The following SYT17 variants were observed in gnomAD, a reference collection of about 807,000 sequenced individuals.
SYT17 encodes synaptotagmin 17, also known as synaptotagmin-17.
A neutral mutation model predicts 46.7 loss-of-function variants in SYT17; 22 were observed. That is an observed-to-expected ratio of 0.47 (90% CI 0.34 to 0.67). The LOEUF (loss-of-function observed/expected upper bound fraction) is 0.67. Among genes scored for constraint, SYT17 ranks in the 30% least tolerant of loss-of-function variants. The probability of loss-of-function intolerance (pLI) is 0.01; values close to 1 mark genes in which losing one functional copy is unlikely to be tolerated. For synonymous variants in SYT17, 251 were observed against 248.4 expected (o/e 1.01, Z -0.10); for missense variants, 519 against 612.8 (o/e 0.85, Z 1.62).
intron 7 of SYT17, among the ~76,000 whole-genome samples, chr16:19,227,748 G>T (rs1966547800): frequency 6.6e-6 from 1 of 152,096 alleles, no homozygotes; most frequent in Non-Finnish European, 1.5e-5. Flanking sequence ...AGAGGGTTCT[G>T]TTCCTTTAAA....
chr16:19,246,759 A>G (rs1333414219), intron 7 of SYT17, among the ~76,000 whole-genome samples: 1 of 152,162 alleles, frequency 6.6e-6, no homozygotes, highest in Non-Finnish European at 1.5e-5. Flanking sequence ...CAGTTTTCCA[A>G]ATTAGCACCT....
chr16:19,189,471 G>T (rs1964928633), intron 5 of SYT17, among the ~76,000 whole-genome samples: 1 of 151,956 alleles, frequency 6.6e-6, no homozygotes, highest in Non-Finnish European at 1.5e-5. Flanking sequence ...CTTTCAAGTG[G>T]CTGGGACCAT....
chr16:19,250,407 G>GTGTGTGTGTGTGTGTGTGTGT (rs1555463131), intron 7 of SYT17, among the ~76,000 whole-genome samples: 1 of 146,514 alleles, frequency 6.8e-6, no homozygotes, highest in African/African-American at 2.5e-5. Flanking sequence ...GTGTGTGTTT[G>GTGTGTGTGTGTGTGTGTGTGT]GAGACAGGGT....
intron 5 of SYT17, among the ~76,000 whole-genome samples, chr16:19,222,801 T>C (rs926500457): frequency 3.3e-5 from 5 of 152,158 alleles, no homozygotes; most frequent in African/African-American, 9.7e-5. Context: ...TTTAAAAAAT[T>C]ATTGCTGCTT....
At chr16:19,182,670 A>G (rs1283167127) in intron 4 of SYT17, among the ~76,000 whole-genome samples, 1 of 152,244 alleles carries the variant, frequency 6.6e-6, no homozygotes, top group African/African-American at 2.4e-5. Context: ...TGTTTGGGCA[A>G]TTAGCAAGAA....
At chr16:19,186,585 G>A (rs567267711) in intron 5 of SYT17, among the ~76,000 whole-genome samples, 25 of 152,214 alleles carry the variant, frequency 1.6e-4, no homozygotes, top group Non-Finnish European at 3.2e-4. Flanking sequence ...CGTCACACTC[G>A]GGCTTCCAGC....
chr16:19,180,509 T>C lies in SYT17; in HGVS notation c.301T>C (p.Ser101Pro). The C allele has an allele frequency of 6.2e-7, 1 of 1,614,148 alleles. No individual in the cohort carries two copies. Among genetic ancestry groups the C allele is most frequent in the Non-Finnish European group, 8.5e-7 (1 of 1,180,028 alleles). ...ACGCTCGTCCTCAGACACATCCAAG[T>C]CTACATACAGCCTGACGCGGAGGAT... ...GRRSSSDTSKSTYSLTRRISS... is the reference protein window; with the variant it reads ...GRRSSSDTSKPTYSLTRRISS... The change falls in exon 4 of 8, where the codon TCT becomes CCT. Residue 101 changes from serine to proline, a missense_variant. By Grantham distance (74) the Ser-to-Pro change is moderately conservative. Transcript: ENST00000355377.
At chr16:19,233,525 G>A (rs886609842) in intron 7 of SYT17, among the ~76,000 whole-genome samples, 5 of 151,952 alleles carry the variant, frequency 3.3e-5, no homozygotes, top group African/African-American at 1.2e-4. Context: ...GCATGGTGGT[G>A]CATGTCTGTC....
intron 7 of SYT17, among the ~76,000 whole-genome samples, chr16:19,258,029 G>A (rs1189499539): frequency 6.6e-6 from 1 of 151,524 alleles, no homozygotes; most frequent in Non-Finnish European, 1.5e-5. Flanking sequence ...TTCCAGAACC[G>A]TCTGCCTTGG....
At chr16:19,256,734 A>G (rs983161847) in intron 7 of SYT17, among the ~76,000 whole-genome samples, 1 of 151,918 alleles carries the variant, frequency 6.6e-6, no homozygotes, top group Admixed American at 6.6e-5. Flanking sequence ...GTGCACCAAC[A>G]TGCCCAGCTA....
At chr16:19,250,359 T>TGTGTG (rs1967957748) in intron 7 of SYT17, among the ~76,000 whole-genome samples, 2 of 132,468 alleles carry the variant, frequency 1.5e-5, no homozygotes, top group African/African-American at 2.8e-5. Flanking sequence ...TCAAACATGT[T>TGTGTG]TGTGTGTGTG....
chr16:19,236,191 G>C (rs1028387690), intron 7 of SYT17, among the ~76,000 whole-genome samples: 5 of 152,212 alleles, frequency 3.3e-5, no homozygotes, highest in Non-Finnish European at 4.4e-5. Context: ...AAGTCAGCCA[G>C]AGCTGGCTTC....
At chr16:19,179,774 C>T (rs1314886738) in intron 3 of SYT17, among the ~76,000 whole-genome samples, 2 of 152,172 alleles carry the variant, frequency 1.3e-5, no homozygotes, top group Admixed American at 6.5e-5. Flanking sequence ...CCTACATCCT[C>T]CTTCCCAATT....
Position 19,168,476 on chromosome 16 carries a change from C to A in SYT17, c.-171C>A. On this transcript the variant is annotated 5_prime_UTR_variant, in exon 1 of 8. Transcript: ENST00000355377. This position sits in a 1 kb window ranked among gnomAD's most constrained non-coding sequence, Gnocchi z 6.9. ...AACGCAGGGAAAGGCAAGGACGGGG[C>A]GGCCGGCGGAGGGGCGGGCGCCGCT... 3.5e-6 allele frequency: 3 copies of A among 857,302 alleles called. No homozygotes were observed. The highest frequency in any genetic ancestry group is 5.4e-6 in the Non-Finnish European group (3 of 557,854). 53.1% of individuals were successfully genotyped at this position (857,302 alleles called of 1,614,324 possible).
At chr16:19,230,689 A>T (rs886979282) in intron 7 of SYT17, among the ~76,000 whole-genome samples, 6 of 152,198 alleles carry the variant, frequency 3.9e-5, no homozygotes, top group African/African-American at 1.4e-4. Context: ...AGTTAGGCGT[A>T]ATAGTTAGGA....
rs532221301 is a variant in SYT17, at chr16:19,187,433, A to C, written c.951+3286A>C. Among the ~76,000 whole-genome samples, 24 of 152,362 alleles carry C rather than the reference A, an allele frequency of 1.6e-4. 1 individual carries two copies. Among genetic ancestry groups the C allele is most frequent in the Admixed American group, 7.2e-4 (11 of 15,302 alleles). ...GGTACCATCTCTCAGTAATTCCAAT[A>C]TAGCAGGTCTTGCACCGTTGGAGTG... On this transcript the variant is annotated intron_variant, in intron 5 of 7. Coordinates refer to ENST00000355377, the MANE Select transcript of SYT17 (RefSeq NM_016524.4).
Position 19,168,562 on chromosome 16 carries a change from G to T in SYT17, c.-85G>T, listed in dbSNP as rs1963954377. On this transcript the variant is annotated 5_prime_UTR_variant, in exon 1 of 8. Transcript: ENST00000355377. This position sits in a 1 kb window ranked among gnomAD's most constrained non-coding sequence, Gnocchi z 6.9. ...TGCCTTTTTCTTCCTTTCCCCCTTT[G>T]CTTTCTTCCCCCTCCGCTGTTGGCG... 3 of 1,535,100 alleles carry T rather than the reference G, an allele frequency of 2.0e-6. No individual in the cohort carries two copies.
upstream of SYT17, chr16:19,167,846 A>T (rs1332326477): frequency 6.6e-6 from 1 of 151,912 alleles, no homozygotes; most frequent in Non-Finnish European, 1.5e-5. Context: ...CCAGGGCGCA[A>T]CTCCGGCAGG....
At chr16:19,197,804 A>G (rs1336068289) in intron 5 of SYT17, among the ~76,000 whole-genome samples, 4 of 152,168 alleles carry the variant, frequency 2.6e-5, no homozygotes, top group Non-Finnish European at 4.4e-5. Context: ...CTTTCCTGTT[A>G]TGTAGACTAG....
Sources: allele counts gnomAD v4.1 joint callset (sites outside exome capture counted in the v4.1 genomes callset), GRCh38; gene constraint gnomAD v4.1.1; non-coding constraint Gnocchi (gnomAD v3.1); transcripts MANE v1.5; gene names NCBI Gene and HGNC (gene_info 2026-07-23, HGNC 2026-07-21).